Variants in IFI16 observed in about 807,000 individuals in gnomAD.
The protein encoded by IFI16 is gamma-interferon-inducible protein 16.
IFI16 carries 49 observed loss-of-function variants against 68.4 expected under a neutral mutation model. The observed-to-expected ratio is 0.72, with a 90% CI of 0.57 to 0.91. IFI16 has a LOEUF of 0.91. Ranked by LOEUF, IFI16 falls within the 40% of genes least tolerant of loss-of-function variation. IFI16 has a pLI of 0.00. For synonymous variants in IFI16, 307 were observed against 315.0 expected, an observed-to-expected ratio of 0.97 and a Z score of 0.27; for missense variants, 878 against 942.9, an observed-to-expected ratio of 0.93 and a Z score of 0.90.
rs1056143165 is a variant in IFI16 at position 159,016,515 on chromosome 1, A to G, written c.382-18A>G. ...TTGGCACTGAAAACGAATAACAGGA[A>G]AATCAAACCACTTTCAGAAAAGAAA... On this transcript the variant is annotated intron_variant, in intron 3 of 11. Coordinates refer to ENST00000295809, the MANE Select transcript of IFI16 (RefSeq NM_001376587.1). 1.6e-5 allele frequency: 25 copies of G among 1,597,610 alleles called. No individual in the cohort carries two copies. The highest frequency in any genetic ancestry group is 2.0e-5 in the Non-Finnish European group (24 of 1,172,878).
chr1:159,028,220 A>T (rs1259691799), intron 6 of IFI16, among the ~76,000 whole-genome samples: 3 of 152,136 alleles, frequency 2.0e-5, no homozygotes, highest in Non-Finnish European at 2.9e-5. Flanking sequence ...TTTCTCTATT[A>T]TCATTCATTT....
rs1339202660 is a variant in IFI16 at position 159,053,646 on chromosome 1, G to A, written c.2199G>A (p.Leu733=). 6.2e-7 allele frequency: 1 copy of A among 1,613,936 alleles called. No homozygotes were observed. Among genetic ancestry groups the A allele is most frequent in the African/African-American group, 1.3e-5 (1 of 74,924 alleles). The change falls in exon 11 of 12, where the codon CTG becomes CTA. Residue 733 remains leucine (L), a synonymous_variant. Transcript: ENST00000295809. Reference sequence around the variant, plus strand: ...TCAACTGTGAGGAAGGAGATAAACTGAAACTCACCTGCTTTGAATTGGCAC... The same window carrying A: ...TCAACTGTGAGGAAGGAGATAAACTAAAACTCACCTGCTTTGAATTGGCAC... ...TTINCEEGDK[L]KLTCFELAPK...
chr1:159,041,628 T>C (rs1043868207), intron 7 of IFI16, among the ~76,000 whole-genome samples: 8 of 152,162 alleles, frequency 5.3e-5, no homozygotes, highest in Non-Finnish European at 1.2e-4. Flanking sequence ...CATTAAGTGG[T>C]CTCAGATCAG....
chr1:159,020,418 A>G lies in IFI16; in HGVS notation c.1050A>G (p.Gln350=), dbSNP rs774647644. The part of the protein sequence containing the change: ...RGKMDVVGTG[Q]CHNIPCEEGD... ...AAATGGATGTAGTGGGGACAGGACAATGTCACAATATCCCCTGTGAAGAAG... is the reference window on the plus strand; with the variant it reads ...AAATGGATGTAGTGGGGACAGGACAGTGTCACAATATCCCCTGTGAAGAAG... The change falls in exon 6 of 12, where the codon CAA becomes CAG. Residue 350 remains glutamine, a synonymous_variant. Coordinates refer to ENST00000295809, the MANE Select transcript of IFI16 (RefSeq NM_001376587.1). 3.1e-6 allele frequency: 5 copies of G among 1,612,322 alleles called. No individual in the cohort carries two copies. In the East Asian group the frequency reaches 6.7e-5, roughly 22 times the overall value.
At chr1:159,006,762 G>A (rs1343908459), upstream of IFI16, among the ~76,000 whole-genome samples, 1 of 152,176 alleles carries the variant, frequency 6.6e-6, no homozygotes, top group Admixed American at 6.5e-5. Context: ...TCTTAGTCCA[G>A]CAGGGCGTTT....
chr1:159,031,728 A>G (rs1350073611), intron 6 of IFI16, among the ~76,000 whole-genome samples: 2 of 152,246 alleles, frequency 1.3e-5, no homozygotes, highest in South Asian at 2.1e-4. Context: ...GCTTTTTTTC[A>G]AACGTGCCAT....
chr1:159,015,831 T>A (rs1652882912), intron 2 of IFI16, 41 bp from the exon 3 acceptor site: 10 of 1,459,176 alleles, frequency 6.9e-6, no homozygotes, highest in Non-Finnish European at 9.6e-6. Flanking sequence ...ATGTCTTCCT[T>A]TTTTCTGCAT....
intron 1 of IFI16, among the ~76,000 whole-genome samples, chr1:159,010,615 C>A (rs542488670): frequency 6.6e-6 from 1 of 152,268 alleles, no homozygotes; most frequent in African/African-American, 2.4e-5. Flanking sequence ...CCCAATTTTA[C>A]AAAACATAAG....
intron 1 of IFI16, among the ~76,000 whole-genome samples, chr1:159,010,382 G>A (rs1301547581): frequency 1.3e-5 from 2 of 152,150 alleles, no homozygotes; most frequent in African/African-American, 2.4e-5. Flanking sequence ...GACTGAACAA[G>A]AGAAAATGCA....
intron 1 of IFI16, among the ~76,000 whole-genome samples, chr1:159,010,621 A>G (rs980548676): frequency 3.9e-5 from 6 of 152,224 alleles, no homozygotes; most frequent in African/African-American, 1.2e-4. Flanking sequence ...TTTACAAAAC[A>G]TAAGAACAAA....
chr1:159,052,057 A>C lies in IFI16; in HGVS notation c.2044A>C (p.Thr682Pro). 1 of 1,613,582 alleles carries C rather than the reference A, an allele frequency of 6.2e-7. No homozygotes were observed. Residue 682 changes from threonine to proline, a missense_variant, in exon 10 of 12, where the codon ACT becomes CCT. Coordinates refer to ENST00000295809, the MANE Select transcript of IFI16 (RefSeq NM_001376587.1). ...TAAAATCAATCAGCTTTGCTCACAAACTAAAGGAAGTTTTGTGAATGGGGT... is the reference window on the plus strand; with the variant it reads ...TAAAATCAATCAGCTTTGCTCACAACCTAAAGGAAGTTTTGTGAATGGGGT... ...TPKINQLCSQ[T>P]KGSFVNGVFE... is the part of the protein sequence containing the mutation.
At chr1:159,037,450 T>C (rs1036137599) in intron 7 of IFI16, among the ~76,000 whole-genome samples, 1 of 152,214 alleles carries the variant, frequency 6.6e-6, no homozygotes, top group Non-Finnish European at 1.5e-5. Flanking sequence ...TATGCGTTCA[T>C]TGTGCTTTTG....
intron 7 of IFI16, among the ~76,000 whole-genome samples, chr1:159,035,962 C>T (rs1654307075): frequency 6.6e-6 from 1 of 152,166 alleles, no homozygotes; most frequent in African/African-American, 2.4e-5. Flanking sequence ...GAAGATAATA[C>T]TCCAAGGTAC....
At chr1:159,054,615 AT>A (rs2101944410) in intron 11 of IFI16, among the ~76,000 whole-genome samples, 1 of 152,218 alleles carries the variant, frequency 6.6e-6, no homozygotes, top group South Asian at 2.1e-4. Flanking sequence ...TGAATATCTC[AT>A]TTCACGGTCC....
At chr1:159,019,025 T>A (rs1291600258) in intron 5 of IFI16, among the ~76,000 whole-genome samples, 1 of 152,200 alleles carries the variant, frequency 6.6e-6, no homozygotes, top group South Asian at 2.1e-4. Flanking sequence ...AAAAATCACA[T>A]TATTTTTATT....
chr1:159,047,281 A>T (rs1395640046), intron 8 of IFI16, among the ~76,000 whole-genome samples: 1 of 150,120 alleles, frequency 6.7e-6, no homozygotes, highest in Non-Finnish European at 1.5e-5. Context: ...CTTTTTTTTT[A>T]GTTATTAATT....
chr1:159,025,851 G>C (rs556208416), intron 6 of IFI16, among the ~76,000 whole-genome samples: 24 of 152,276 alleles, frequency 1.6e-4, no homozygotes, highest in Non-Finnish European at 2.5e-4. Flanking sequence ...TTTTGTATAA[G>C]GTGAGAGATG....
At chr1:159,022,502 G>C (rs1022105858) in intron 6 of IFI16, among the ~76,000 whole-genome samples, 2 of 152,136 alleles carry the variant, frequency 1.3e-5, no homozygotes, top group Non-Finnish European at 2.9e-5. Flanking sequence ...TGGCTGGGAC[G>C]GGACCTCACC....
At chr1:159,029,675 T>C (rs1653881349) in intron 6 of IFI16, among the ~76,000 whole-genome samples, 1 of 129,724 alleles carries the variant, frequency 7.7e-6, no homozygotes, top group African/African-American at 2.6e-5. Context: ...GGAGGCTTTG[T>C]TCAGTTTTTT....
Sources: allele counts gnomAD v4.1 joint callset (sites outside exome capture counted in the v4.1 genomes callset), GRCh38; gene constraint gnomAD v4.1.1; transcripts MANE v1.5; gene names NCBI Gene and HGNC (gene_info 2026-07-23, HGNC 2026-07-21).